DLEC1: variants seen among roughly 807,000 people sequenced by gnomAD.
DLEC1 encodes DLEC1 cilia and flagella associated protein.
Under a neutral mutation model 198.1 loss-of-function variants are expected in DLEC1, and 146 were observed. The ratio of observed to expected loss-of-function variants is 0.74; its 90% CI spans 0.64 to 0.85. The LOEUF (loss-of-function observed/expected upper bound fraction) is 0.85, where lower values mean the gene tolerates loss of function less well. Ranked by LOEUF, DLEC1 falls within the 40% of genes least tolerant of loss-of-function variation. The pLI, the probability that DLEC1 is intolerant of heterozygous loss-of-function variation, is 0.00. For missense variants in DLEC1, 2,233 were observed against 2,220.0 expected, an observed-to-expected ratio of 1.01 and a Z score of -0.12; for synonymous variants, 897 against 866.8, an observed-to-expected ratio of 1.03 and a Z score of -0.61.
chr3:38,062,027 A>G, intron 3 of DLEC1, 142 bp from the exon 4 acceptor site: 1 of 783,032 alleles, frequency 1.3e-6, no homozygotes, highest in Non-Finnish European at 2.1e-6. Context: ...GTTGAAGAGC[A>G]ATTATAGCTG....
In DLEC1 at chr3:38,059,194, C is replaced by T. The variant is rs371627129; in HGVS notation, c.563-548C>T. 5.3e-5 allele frequency among the ~76,000 whole-genome samples: 8 copies of T among 152,132 alleles called. No individual in the cohort carries two copies. The East Asian group carries it at 7.7e-4, about 15-fold the overall frequency. On this transcript the variant is annotated intron_variant, in intron 2 of 36. Coordinates refer to ENST00000308059, the MANE Select transcript of DLEC1 (RefSeq NM_007335.4). ...TGGGTCCAGCTAGGCATGTCTCCTT[C>T]GTAGGTCAGGCTCAGGTCTGCTCTG...
At chr3:38,088,622 T>G (rs2236630) in intron 10 of DLEC1, among the ~76,000 whole-genome samples, 1 of 151,994 alleles carries the variant, frequency 6.6e-6, no homozygotes, top group Non-Finnish European at 1.5e-5. Context: ...ACCTGAGCCT[T>G]GCTAGTCCAC....
chr3:38,080,822 T>TA (rs1553616628), intron 6 of DLEC1, among the ~76,000 whole-genome samples: 9 of 138,816 alleles, frequency 6.5e-5, no homozygotes, highest in South Asian at 2.3e-4. Flanking sequence ...TTTTTTTTTT[T>TA]AATTTATTTT....
Position 38,039,407 on chromosome 3 carries a change from C to G in DLEC1, c.182C>G (p.Ala61Gly), listed in dbSNP as rs1311145870. 1 of 1,613,946 alleles carries G rather than the reference C, an allele frequency of 6.2e-7. No homozygotes were observed. Among genetic ancestry groups the G allele is most frequent in the East Asian group, 2.2e-5 (1 of 44,864 alleles). The change falls in exon 1 of 37, where the codon GCC (alanine) becomes GGC (glycine). Residue 61 changes from alanine (A) to glycine (G), a missense_variant. Ala to Gly is a moderately conservative substitution (Grantham distance 60). Coordinates refer to ENST00000308059, the MANE Select transcript of DLEC1 (RefSeq NM_007335.4). ...GAGGCCTTCCACTACAGCTTCGCAG[C>G]CCGGCCCCGCCGCCTCACGCAGCTT... Reference protein sequence around the residue: ...YSEAFHYSFAARPRRLTQLAL... With the variant: ...YSEAFHYSFAGRPRRLTQLAL...
chr3:38,043,412 A>G (rs1700744239), intron 1 of DLEC1, among the ~76,000 whole-genome samples: 1 of 152,246 alleles, frequency 6.6e-6, no homozygotes, highest in East Asian at 1.9e-4. Flanking sequence ...AGAGATTGTC[A>G]GCAGACCCAA....
intron 22 of DLEC1, chr3:38,109,768 C>A: frequency 1.1e-6 from 1 of 910,964 alleles, no homozygotes. Context: ...GGTCTCCCCA[C>A]ACACACTTGG....
At chr3:38,086,096 A>G (rs1194443230) in intron 8 of DLEC1, 145 bp from the exon 9 acceptor site, 14 of 1,165,926 alleles carry the variant, frequency 1.2e-5, no homozygotes, top group Non-Finnish European at 1.7e-5. Flanking sequence ...GGGTCAGGAC[A>G]TGTCCCCACT....
In DLEC1 at chr3:38,094,960, C is replaced by G. The variant is rs1331282770; in HGVS notation, c.2001C>G (p.Asp667Glu). ...TGCCTGGAGAAACCTTCAGCATGGA[C>G]AGCATCAAGTGCTACCCCGACAAGG... ...PLMPGETFSM[D>E]SIKCYPDKET... Residue 667 changes from aspartate (D) to glutamate (E), a missense_variant, in exon 13 of 37, where the codon GAC (aspartate) becomes GAG (glutamate). Asp to Glu is a conservative substitution (Grantham distance 45, BLOSUM62 2). Coordinates refer to ENST00000308059, the MANE Select transcript of DLEC1 (RefSeq NM_007335.4). The G allele has an allele frequency of 3.1e-6, 5 of 1,614,220 alleles. No homozygotes were observed. The highest frequency in any genetic ancestry group is 4.2e-6 in the Non-Finnish European group (5 of 1,180,030).
At chr3:38,052,297 G>A (rs988755792) in intron 2 of DLEC1, 4 of 434,434 alleles carry the variant, frequency 9.2e-6, no homozygotes, top group African/African-American at 6.1e-5. Flanking sequence ...GAGCAGGCTG[G>A]GACCACACCG....
intron 6 of DLEC1, among the ~76,000 whole-genome samples, chr3:38,079,190 G>A (rs1156984426): frequency 2.0e-5 from 3 of 152,112 alleles, no homozygotes; most frequent in South Asian, 2.1e-4. Context: ...GCAATGAGAT[G>A]TAGCTGTAAT....
At position 38,123,983 on chromosome 3, in the gene DLEC1, C is replaced by T. The variant is rs1379524142; in HGVS notation, c.*1571C>T. 1 of 150,974 alleles carries T rather than the reference C, an allele frequency of 6.6e-6. No individual in the cohort carries two copies. Among genetic ancestry groups the T allele is most frequent in the Non-Finnish European group, 1.5e-5 (1 of 67,862 alleles). 9.4% of individuals were successfully genotyped at this position (150,974 alleles called of 1,614,324 possible). A position where few individuals can be genotyped will look rare whatever the true frequency, so the allele number is the denominator to read the frequency against. ...GATCACACCACTGCACTCCAGCCAG[C>T]CTGGACAACGGAGTGAGATTCCATG... On this transcript the variant is annotated 3_prime_UTR_variant, in exon 37 of 37. Transcript: ENST00000308059.
At chr3:38,064,764 C>G (rs982389446) in intron 6 of DLEC1, among the ~76,000 whole-genome samples, 7 of 150,582 alleles carry the variant, frequency 4.6e-5, no homozygotes, top group Non-Finnish European at 1.0e-4. Context: ...GAGGCGCTCC[C>G]CACATCCCAG....
intron 2 of DLEC1, among the ~76,000 whole-genome samples, chr3:38,057,957 T>TACTC: frequency 6.6e-6 from 1 of 151,738 alleles, no homozygotes; most frequent in Non-Finnish European, 1.5e-5. Context: ...GCTGGGACTA[T>TACTC]AGGCGCCCGC....
Position 38,123,084 on chromosome 3 carries a change from A to G in DLEC1, c.*672A>G. 1.2e-6 allele frequency: 2 copies of G among 1,614,188 alleles called. No homozygotes were observed. The highest frequency in any genetic ancestry group is 1.7e-6 in the Non-Finnish European group (2 of 1,180,034). The stretch of plus-strand genomic sequence containing the variant: ...GTATTCAAAGACGGCAGCGGCTCCC[A>G]TTCCAGTCCCGATGCACATGGACAC... On this transcript the variant is annotated 3_prime_UTR_variant, in exon 37 of 37. Transcript: ENST00000308059.
At position 38,112,425 on chromosome 3, in the gene DLEC1, CCT is replaced by C; in HGVS notation, c.3666+70_3666+71del. ...GAGTCTGCCCAGCCCTCGCCTTCAG[CCT>C]CTCTCCCCTCCAACACCTGGCCCTC... is the stretch of plus-strand genomic sequence containing the variant. On this transcript the variant is annotated intron_variant, in intron 25 of 36. Transcript: ENST00000308059. The surrounding 1 kb of genome is among the most constrained non-coding windows in gnomAD (Gnocchi z 4.8). 3 of 1,590,024 alleles carry C rather than the reference CCT, an allele frequency of 1.9e-6. No homozygotes were observed. Among genetic ancestry groups the C allele is most frequent in the Non-Finnish European group, 2.6e-6 (3 of 1,162,882 alleles).
intron 6 of DLEC1, among the ~76,000 whole-genome samples, chr3:38,064,826 C>T (rs1174644337): frequency 6.6e-6 from 1 of 151,064 alleles, no homozygotes; most frequent in Non-Finnish European, 1.5e-5. Context: ...GGGATGACGG[C>T]CAGGAAGAGG....
At chr3:38,065,218 A>G (rs906255313) in intron 6 of DLEC1, among the ~76,000 whole-genome samples, 2 of 152,238 alleles carry the variant, frequency 1.3e-5, no homozygotes, top group African/African-American at 4.8e-5. Context: ...CACGCCTGCA[A>G]TCGCAGGCAC....
chr3:38,092,558 T>A (rs1391356811), intron 10 of DLEC1, among the ~76,000 whole-genome samples: 2 of 152,172 alleles, frequency 1.3e-5, no homozygotes, highest in African/African-American at 4.8e-5. Context: ...CCATTTGTAT[T>A]TTGGTCTCTG....
At chr3:38,051,742 C>A in intron 2 of DLEC1, 1 of 174,750 alleles carries the variant, frequency 5.7e-6, no homozygotes, top group South Asian at 1.5e-4. Context: ...TTAGAAAAGT[C>A]TAGAAATTGA....
Sources: gnomAD v4.1 joint callset for allele counts (sites outside exome capture counted in the v4.1 genomes callset) on GRCh38, gnomAD v4.1.1 for gene constraint, Gnocchi (gnomAD v3.1) non-coding constraint, MANE v1.5 for transcripts, NCBI Gene and HGNC (gene_info 2026-07-23, HGNC 2026-07-21) for gene names.